The following ZNF407 variants were observed in gnomAD, a reference collection of about 807,000 sequenced individuals.
ZNF407 encodes zinc finger protein 407.
In ZNF407, 17 loss-of-function variants were observed where a neutral mutation model predicts 131.2. The ratio of observed to expected loss-of-function variants is 0.13; its 90% CI spans 0.09 to 0.19. The LOEUF is 0.19. Among genes scored for constraint, ZNF407 ranks in the 10% least tolerant of loss-of-function variants. The probability of loss-of-function intolerance (pLI) is 1.00; values close to 1 mark genes in which losing one functional copy is unlikely to be tolerated. For synonymous variants in ZNF407, 1,156 were observed against 1,062.0 expected (o/e 1.09, Z -1.72); for missense variants, 2,681 against 2,830.6 (o/e 0.95, Z 1.20).
intron 3 of ZNF407, among the ~76,000 whole-genome samples, chr18:74,668,579 T>C (rs577999025): frequency 4.3e-4 from 65 of 152,328 alleles, no homozygotes; most frequent in African/African-American, 1.5e-3. Flanking sequence ...AGACCGTTTT[T>C]CTTACTGCTC....
chr18:74,891,737 G>C (rs555608499), intron 7 of ZNF407, among the ~76,000 whole-genome samples: 9 of 152,254 alleles, frequency 5.9e-5, no homozygotes, highest in African/African-American at 2.2e-4. Flanking sequence ...TTATTGAAGA[G>C]ATCATGCAGT....
chr18:74,892,063 G>A (rs1255940968), intron 7 of ZNF407, among the ~76,000 whole-genome samples: 3 of 152,060 alleles, frequency 2.0e-5, no homozygotes, highest in African/African-American at 7.2e-5. Flanking sequence ...ATAAAACAGA[G>A]AAAAGTGTTA....
intron 3 of ZNF407, among the ~76,000 whole-genome samples, chr18:74,763,927 A>G (rs1382212559): frequency 2.0e-5 from 3 of 150,976 alleles, no homozygotes; most frequent in East Asian, 2.0e-4. Flanking sequence ...GTTAGCCAGG[A>G]TGGTCTCGAT....
chr18:75,030,615 A>G (rs1036318024), intron 8 of ZNF407, among the ~76,000 whole-genome samples: 20 of 152,346 alleles, frequency 1.3e-4, no homozygotes, highest in African/African-American at 4.1e-4. Context: ...TAGAGGCCAC[A>G]TAAGTGCAAG....
intron 8 of ZNF407, among the ~76,000 whole-genome samples, chr18:74,932,795 A>G (rs868468026): frequency 1.3e-5 from 2 of 152,162 alleles, no homozygotes; most frequent in Non-Finnish European, 2.9e-5. Flanking sequence ...CATTCACTAT[A>G]TTTTTCTCAT....
At chr18:75,003,726 A>G (rs1315971717) in intron 8 of ZNF407, among the ~76,000 whole-genome samples, 1 of 152,198 alleles carries the variant, frequency 6.6e-6, no homozygotes, top group Middle Eastern at 3.2e-3. Flanking sequence ...CTCACTTTGT[A>G]TTGTCCACTC....
chr18:74,829,702 G>A (rs1371392360), intron 4 of ZNF407, among the ~76,000 whole-genome samples: 1 of 151,792 alleles, frequency 6.6e-6, no homozygotes, highest in African/African-American at 2.4e-5. Flanking sequence ...ATTGCTTTAG[G>A]TTTCTTTTTG....
At chr18:75,035,535 A>G (rs1413142899) in intron 8 of ZNF407, among the ~76,000 whole-genome samples, 1 of 152,256 alleles carries the variant, frequency 6.6e-6, no homozygotes, top group Non-Finnish European at 1.5e-5. Flanking sequence ...TCAATAACCA[A>G]TATATTACTA....
In ZNF407 at chr18:74,632,534, T is replaced by G; in HGVS notation, c.1515T>G (p.Ser505Arg). The change falls in exon 2 of 9, where the codon AGT (serine) becomes AGG (arginine). Residue 505 changes from serine (S) to arginine (R), a missense_variant. Physicochemically the swap from Ser to Arg is moderately radical, Grantham distance 110. Coordinates refer to ENST00000299687, the MANE Select transcript of ZNF407 (RefSeq NM_017757.3). ...ETQEAEQGQGSARPPDSGLHS... is the reference protein window; with the variant it reads ...ETQEAEQGQGRARPPDSGLHS... ...AGGAGGCAGAGCAGGGCCAGGGGAGTGCCCGTCCTCCGGACTCCGGGCTGC... is the reference window on the plus strand; with the variant it reads ...AGGAGGCAGAGCAGGGCCAGGGGAGGGCCCGTCCTCCGGACTCCGGGCTGC... 1 of 1,613,932 alleles carries G rather than the reference T, an allele frequency of 6.2e-7. No individual in the cohort carries two copies. Among genetic ancestry groups the G allele is most frequent in the Non-Finnish European group, 8.5e-7 (1 of 1,179,892 alleles).
intron 8 of ZNF407, among the ~76,000 whole-genome samples, chr18:74,991,481 G>T (rs1287823454): frequency 6.6e-6 from 1 of 152,162 alleles, no homozygotes; most frequent in African/African-American, 2.4e-5. Flanking sequence ...CTTTTACAAT[G>T]AAGAGAAGGC....
chr18:74,804,084 A>G, intron 4 of ZNF407: 2 of 1,550,344 alleles, frequency 1.3e-6, no homozygotes, highest in Non-Finnish European at 8.7e-7. Context: ...TGGGACCTGC[A>G]GTGGGAGGAT....
chr18:74,945,957 A>G (rs1162684285), intron 8 of ZNF407, among the ~76,000 whole-genome samples: 1 of 152,204 alleles, frequency 6.6e-6, no homozygotes, highest in Non-Finnish European at 1.5e-5. Flanking sequence ...ACTAAGTGAC[A>G]GGCCTCCGTA....
At chr18:74,759,141 T>A (rs1465267504) in intron 3 of ZNF407, among the ~76,000 whole-genome samples, 1 of 152,180 alleles carries the variant, frequency 6.6e-6, no homozygotes, top group African/African-American at 2.4e-5. Context: ...TAATTTTTTT[T>A]CAACACTTTG....
chr18:74,732,090 C>T (rs998569855), intron 3 of ZNF407, among the ~76,000 whole-genome samples: 1 of 152,098 alleles, frequency 6.6e-6, no homozygotes, highest in Non-Finnish European at 1.5e-5. Context: ...AAGTGTTTCA[C>T]TTGGGACTTA....
chr18:75,056,115 T>C (rs922437597), intron 8 of ZNF407, among the ~76,000 whole-genome samples: 12 of 152,246 alleles, frequency 7.9e-5, no homozygotes, highest in African/African-American at 2.7e-4. Context: ...TTTTAATTAT[T>C]ATGCTATGAT....
intron 3 of ZNF407, among the ~76,000 whole-genome samples, chr18:74,740,176 C>T (rs1366467737): frequency 1.3e-5 from 2 of 152,176 alleles, no homozygotes; most frequent in Non-Finnish European, 2.9e-5. Flanking sequence ...TTCTTTGCCT[C>T]TCTCAGTTTC....
chr18:74,869,870 T>C (rs1971063153), intron 4 of ZNF407, among the ~76,000 whole-genome samples: 1 of 152,182 alleles, frequency 6.6e-6, no homozygotes, highest in Non-Finnish European at 1.5e-5. Flanking sequence ...TTTACACAGT[T>C]TCCTAACCCC....
intron 3 of ZNF407, among the ~76,000 whole-genome samples, chr18:74,664,474 G>A (rs980655140): frequency 6.6e-6 from 1 of 152,132 alleles, no homozygotes; most frequent in African/African-American, 2.4e-5. Context: ...CAGCCTGGGC[G>A]ACGGAGTGAG....
intron 8 of ZNF407, among the ~76,000 whole-genome samples, chr18:75,011,974 T>C (rs1002335729): frequency 2.0e-5 from 3 of 152,156 alleles, no homozygotes; most frequent in Non-Finnish European, 2.9e-5. Flanking sequence ...TTTAAATTCC[T>C]GTTTTGTGTT....
Sources: gnomAD v4.1 joint callset for allele counts (sites outside exome capture counted in the v4.1 genomes callset) on GRCh38, gnomAD v4.1.1 for gene constraint, MANE v1.5 for transcripts, NCBI Gene and HGNC (gene_info 2026-07-23, HGNC 2026-07-21) for gene names.